The following MAPK4 variants were observed in gnomAD, a reference collection of about 807,000 sequenced individuals.
The protein encoded by MAPK4 is mitogen-activated protein kinase 4, also known as Erk3-related.
MAPK4 carries 22 observed loss-of-function variants against 47.7 expected under a neutral mutation model. The ratio of observed to expected loss-of-function variants is 0.46; its 90% CI spans 0.33 to 0.66. The LOEUF is 0.66. Among genes scored for constraint, MAPK4 ranks in the 30% least tolerant of loss-of-function variants. The pLI is 0.02. For missense variants in MAPK4, 736 were observed against 831.7 expected, an observed-to-expected ratio of 0.88 and a Z score of 1.42; for synonymous variants, 390 against 365.7, an observed-to-expected ratio of 1.07 and a Z score of -0.76.
intron 1 of MAPK4, among the ~76,000 whole-genome samples, chr18:50,659,365 AAGC>A (rs1272633310): frequency 6.6e-6 from 1 of 152,198 alleles, no homozygotes; most frequent in Admixed American, 6.6e-5. Flanking sequence ...GAGGGGAAGA[AAGC>A]AGTGTCTGTG....
chr18:50,669,669 C>G (rs1324494380), intron 2 of MAPK4: 5 of 152,242 alleles, frequency 3.3e-5, no homozygotes, highest in African/African-American at 9.6e-5. Flanking sequence ...CTCTGACTGC[C>G]AAAGGCACAT....
chr18:50,688,122 G>A (rs1204690038), intron 2 of MAPK4, among the ~76,000 whole-genome samples: 5 of 152,190 alleles, frequency 3.3e-5, no homozygotes, highest in South Asian at 2.1e-4. Context: ...AGTCCCTGCC[G>A]TTGAGAGGCT....
chr18:50,628,635 G>A (rs1221766910), intron 1 of MAPK4, among the ~76,000 whole-genome samples: 1 of 152,226 alleles, frequency 6.6e-6, no homozygotes, highest in Non-Finnish European at 1.5e-5. Flanking sequence ...GGCCCAGAGA[G>A]TGAAGTGGTG....
intron 1 of MAPK4, among the ~76,000 whole-genome samples, chr18:50,590,952 A>C (rs9954919): frequency 0.04 from 6,159 of 152,294 alleles, 445 homozygotes; most frequent in African/African-American, 0.14. Flanking sequence ...TAGCCACACA[A>C]GCTGTGCATT....
At chr18:50,713,716 C>T (rs1037851397) in intron 2 of MAPK4, among the ~76,000 whole-genome samples, 1 of 152,200 alleles carries the variant, frequency 6.6e-6, no homozygotes, top group African/African-American at 2.4e-5. Flanking sequence ...GCCGGTAGCA[C>T]CATGAGTACG....
At chr18:50,651,078 T>C (rs1474532142) in intron 1 of MAPK4, among the ~76,000 whole-genome samples, 1 of 152,234 alleles carries the variant, frequency 6.6e-6, no homozygotes, top group Non-Finnish European at 1.5e-5. Context: ...AACTGACTAA[T>C]GCCTGAAGGC....
At chr18:50,666,133 A>C (rs1207224144) in intron 2 of MAPK4, among the ~76,000 whole-genome samples, 1 of 152,258 alleles carries the variant, frequency 6.6e-6, no homozygotes, top group African/African-American at 2.4e-5. Context: ...AGTGAGCTGC[A>C]ACAAGGAAAG....
intron 3 of MAPK4, among the ~76,000 whole-genome samples, chr18:50,716,272 T>A (rs1335089680): frequency 6.6e-6 from 1 of 152,148 alleles, no homozygotes; most frequent in Non-Finnish European, 1.5e-5. Context: ...AGGGAACCCA[T>A]TTCAGCCTCA....
At chr18:50,640,725 C>A (rs1598855704) in intron 1 of MAPK4, among the ~76,000 whole-genome samples, 1 of 152,318 alleles carries the variant, frequency 6.6e-6, no homozygotes, top group African/African-American at 2.4e-5. Context: ...CTTGGCCTAC[C>A]AAAGTGCTGG....
rs774597846 is a variant in MAPK4, at chr18:50,729,306, G to C, written c.1216G>C (p.Glu406Gln). ...GCGCAAGGACTCGCACAGCAGCTCCGAGCGCTTCCTAGAGCAGTCGCACTC... is the reference window on the plus strand; with the variant it reads ...GCGCAAGGACTCGCACAGCAGCTCCCAGCGCTTCCTAGAGCAGTCGCACTC... ...DPRKDSHSSSERFLEQSHSSM... is the reference protein window; with the variant it reads ...DPRKDSHSSSQRFLEQSHSSM... Residue 406 changes from glutamate to glutamine, a missense_variant, in exon 6 of 6, where the codon GAG (glutamate) becomes CAG (glutamine). Transcript: ENST00000400384. 5.0e-6 allele frequency: 8 copies of C among 1,606,284 alleles called. No homozygotes were observed. The highest frequency in any genetic ancestry group is 2.2e-5 in the East Asian group (1 of 44,616).
intron 1 of MAPK4, among the ~76,000 whole-genome samples, chr18:50,650,690 C>G (rs755960522): frequency 1.3e-5 from 2 of 152,224 alleles, no homozygotes; most frequent in Non-Finnish European, 2.9e-5. Flanking sequence ...TCTCAGTCCC[C>G]TCCTGCCATC....
chr18:50,573,777 A>T (rs986627499), intron 1 of MAPK4, among the ~76,000 whole-genome samples: 1 of 152,308 alleles, frequency 6.6e-6, no homozygotes, highest in Non-Finnish European at 1.5e-5. Flanking sequence ...ATAGGAACAT[A>T]TGGTCAATAT....
intron 2 of MAPK4, among the ~76,000 whole-genome samples, chr18:50,673,680 C>T (rs557873312): frequency 6.6e-6 from 1 of 152,180 alleles, no homozygotes; most frequent in Non-Finnish European, 1.5e-5. Context: ...CATGGTGAAA[C>T]CCAGTCTCTA....
At chr18:50,617,357 C>T (rs2042693634) in intron 1 of MAPK4, among the ~76,000 whole-genome samples, 1 of 152,146 alleles carries the variant, frequency 6.6e-6, no homozygotes, top group Non-Finnish European at 1.5e-5. Context: ...TTTAATGCTG[C>T]ACATGGCAGG....
chr18:50,559,738 A>T (rs1378667338), upstream of MAPK4, among the ~76,000 whole-genome samples: 1 of 150,788 alleles, frequency 6.6e-6, no homozygotes, highest in Non-Finnish European at 1.5e-5. Flanking sequence ...GAGCCCGAGG[A>T]TCCCCCACCC....
chr18:50,719,709 G>A (rs1381069365), intron 3 of MAPK4, among the ~76,000 whole-genome samples: 3 of 152,314 alleles, frequency 2.0e-5, no homozygotes, highest in Admixed American at 6.5e-5. Flanking sequence ...CAGGCCAGAC[G>A]GAGAAGAGCT....
chr18:50,716,915 C>T (rs1910667538), intron 3 of MAPK4, among the ~76,000 whole-genome samples: 1 of 152,150 alleles, frequency 6.6e-6, no homozygotes, highest in Non-Finnish European at 1.5e-5. Context: ...CATTGCTTGC[C>T]TGCTATTAAC....
chr18:50,708,817 G>C (rs1910198558), intron 2 of MAPK4, among the ~76,000 whole-genome samples: 1 of 152,142 alleles, frequency 6.6e-6, no homozygotes, highest in Non-Finnish European at 1.5e-5. Context: ...GCCACTTATA[G>C]GCTGTGTGAG....
intron 1 of MAPK4, among the ~76,000 whole-genome samples, chr18:50,574,282 G>A (rs1886101429): frequency 6.6e-6 from 1 of 152,026 alleles, no homozygotes; most frequent in South Asian, 2.1e-4. Flanking sequence ...TTCTTTTATG[G>A]AATTGGATTT....
Sources: gnomAD v4.1 joint callset for allele counts (sites outside exome capture counted in the v4.1 genomes callset) on GRCh38, gnomAD v4.1.1 for gene constraint, MANE v1.5 for transcripts, NCBI Gene and HGNC (gene_info 2026-07-23, HGNC 2026-07-21) for gene names.